Variants in SMOC2 observed in about 807,000 individuals in gnomAD.
SMOC2 encodes the protein SPARC-related modular calcium-binding protein 2.
In SMOC2, 39 loss-of-function variants were observed where a neutral mutation model predicts 61.4. The ratio of observed to expected loss-of-function variants is 0.64; its 90% CI spans 0.49 to 0.83. SMOC2 has a LOEUF of 0.83. Among genes scored for constraint, SMOC2 ranks in the 40% least tolerant of loss-of-function variants. The pLI, the probability that SMOC2 is intolerant of heterozygous loss-of-function variation, is 0.00. For missense variants in SMOC2, 556 were observed against 592.9 expected (o/e 0.94, Z 0.65); for synonymous variants, 247 against 239.9 (o/e 1.03, Z -0.27).
At chr6:168,599,081 C>T (rs1785411664) in intron 8 of SMOC2, 77 bp downstream of exon 8, 4 of 1,318,380 alleles carry the variant, frequency 3.0e-6, no homozygotes, top group East Asian at 2.5e-5. Flanking sequence ...AGAACCCCCA[C>T]TTCCCCCAAC....
intron 7 of SMOC2, among the ~76,000 whole-genome samples, chr6:168,568,346 A>G (rs1423730592): frequency 6.6e-6 from 1 of 152,228 alleles, no homozygotes; most frequent in East Asian, 1.9e-4. Context: ...AAAATTATGC[A>G]GAAAGCGCAG....
chr6:168,571,726 G>A (rs555346213), intron 7 of SMOC2, among the ~76,000 whole-genome samples: 42 of 152,324 alleles, frequency 2.8e-4, no homozygotes, highest in African/African-American at 9.9e-4. Flanking sequence ...GACTCATGGA[G>A]GTGCCCTGCC....
chr6:168,543,840 C>T (rs142207757), intron 5 of SMOC2, among the ~76,000 whole-genome samples, 168 bp downstream of exon 5: 2 of 152,312 alleles, frequency 1.3e-5, no homozygotes, highest in African/African-American at 4.8e-5. Flanking sequence ...CGATCACCAG[C>T]TCTGTTGGGC....
At chr6:168,507,071 A>G (rs1451265028) in intron 1 of SMOC2, among the ~76,000 whole-genome samples, 3 of 152,142 alleles carry the variant, frequency 2.0e-5, no homozygotes, top group African/African-American at 7.2e-5. Context: ...GCACCAGTAC[A>G]TTATCAAGAA....
chr6:168,514,644 G>A (rs943081621), intron 2 of SMOC2, among the ~76,000 whole-genome samples: 3 of 152,224 alleles, frequency 2.0e-5, no homozygotes, highest in Non-Finnish European at 4.4e-5. Context: ...GTACTCTTCA[G>A]AGAAGTTTTT....
At chr6:168,657,901 G>A (rs1124346) in intron 11 of SMOC2, among the ~76,000 whole-genome samples, 24,545 of 152,068 alleles carry the variant, frequency 0.16, 2,237 homozygotes, top group East Asian at 0.43. Flanking sequence ...ACCTCCCAAC[G>A]CCTCTGTATT....
intron 4 of SMOC2, among the ~76,000 whole-genome samples, chr6:168,541,990 ACT>A (rs995153560): frequency 3.9e-5 from 6 of 152,052 alleles, no homozygotes; most frequent in African/African-American, 1.2e-4. Flanking sequence ...CAATTGAGAA[ACT>A]CTCTCATGAA....
chr6:168,592,518 G>T (rs1785213826), intron 7 of SMOC2, among the ~76,000 whole-genome samples: 1 of 94,082 alleles, frequency 1.1e-5, no homozygotes, highest in Non-Finnish European at 2.1e-5. Flanking sequence ...CCTTCCTGAG[G>T]CCTCACGGGC....
intron 1 of SMOC2, among the ~76,000 whole-genome samples, chr6:168,505,600 T>G (rs962476018): frequency 2.6e-5 from 4 of 152,244 alleles, no homozygotes; most frequent in Non-Finnish European, 5.9e-5. Flanking sequence ...GATGAATGAC[T>G]GAATGAAATG....
intron 4 of SMOC2, 123 bp downstream of exon 4, chr6:168,527,850 G>A: frequency 2.9e-6 from 2 of 701,508 alleles, no homozygotes; most frequent in Non-Finnish European, 5.0e-6. Context: ...GGCATTGTGA[G>A]CCACAGTGGG....
At chr6:168,508,196 A>T (rs1181221557) in intron 1 of SMOC2, among the ~76,000 whole-genome samples, 1 of 152,182 alleles carries the variant, frequency 6.6e-6, no homozygotes, top group Non-Finnish European at 1.5e-5. Flanking sequence ...TGGCGTGAAG[A>T]TTTTAAAAAA....
At chr6:168,533,322 A>G (rs1783656710) in intron 4 of SMOC2, among the ~76,000 whole-genome samples, 2 of 152,178 alleles carry the variant, frequency 1.3e-5, no homozygotes, top group East Asian at 3.8e-4. Context: ...TTATTTAACT[A>G]TGACTTCTGC....
intron 1 of SMOC2, among the ~76,000 whole-genome samples, chr6:168,455,167 T>A (rs1015102460): frequency 1.3e-5 from 2 of 152,134 alleles, no homozygotes; most frequent in Non-Finnish European, 2.9e-5. Flanking sequence ...CAGCTTGAGG[T>A]GCAGCCCAGG....
intron 3 of SMOC2, 73 bp from the exon 4 acceptor site, chr6:168,527,555 G>T: frequency 2.8e-6 from 3 of 1,080,970 alleles, no homozygotes; most frequent in South Asian, 2.7e-5. Context: ...GCAGAAAGCA[G>T]AGTGGGCCTC....
intron 9 of SMOC2, among the ~76,000 whole-genome samples, chr6:168,611,208 C>T (rs114454894): frequency 0.012 from 1,791 of 145,120 alleles, 66 homozygotes; most frequent in African/African-American, 0.043. Flanking sequence ...ATGTGGCTCC[C>T]GTGTCGGGCC....
At chr6:168,605,627 G>T (rs566087031) in intron 8 of SMOC2, among the ~76,000 whole-genome samples, 1 of 152,236 alleles carries the variant, frequency 6.6e-6, no homozygotes, top group South Asian at 2.1e-4. Context: ...TATCCCAAAT[G>T]TGGAACAAAA....
chr6:168,612,895 C>T (rs990168765), intron 9 of SMOC2, among the ~76,000 whole-genome samples: 8 of 152,202 alleles, frequency 5.3e-5, no homozygotes, highest in South Asian at 2.1e-4. Flanking sequence ...AGAGTTGGCT[C>T]GAAAACTTAC....
intron 7 of SMOC2, among the ~76,000 whole-genome samples, chr6:168,592,618 C>T (rs1392863315): frequency 7.4e-6 from 1 of 136,004 alleles, no homozygotes; most frequent in African/African-American, 2.9e-5. Context: ...CTCCTCCTTC[C>T]TGAGGCTTCA....
intron 1 of SMOC2, among the ~76,000 whole-genome samples, chr6:168,449,015 G>A (rs1239224372): frequency 6.6e-6 from 1 of 152,096 alleles, no homozygotes; most frequent in African/African-American, 2.4e-5. Context: ...CCCATGTTCA[G>A]TTTTTTTACA....
Sources: gnomAD v4.1 joint callset for allele counts (sites outside exome capture counted in the v4.1 genomes callset) on GRCh38, gnomAD v4.1.1 for gene constraint, MANE v1.5 for transcripts, NCBI Gene and HGNC (gene_info 2026-07-23, HGNC 2026-07-21) for gene names.